Variants in IARS2 observed in about 807,000 individuals in gnomAD.
IARS2 encodes the protein isoleucyl-tRNA synthetase 2, mitochondrial.
In IARS2, 56 loss-of-function variants were observed where a neutral mutation model predicts 126.3. The observed-to-expected ratio is 0.44, with a 90% CI of 0.36 to 0.55. The LOEUF (loss-of-function observed/expected upper bound fraction) is 0.55. IARS2 is among the 20% of genes least tolerant of loss of function. The pLI, the probability that IARS2 is intolerant of heterozygous loss-of-function variation, is 0.00. For synonymous variants in IARS2, 407 were observed against 441.1 expected (o/e 0.92, Z 0.97); for missense variants, 1,127 against 1,245.9 (o/e 0.90, Z 1.44).
chr1:220,147,437 AAC>A, intron 22 of IARS2, 54 bp from the exon 23 acceptor site: 1 of 1,564,970 alleles, frequency 6.4e-7, no homozygotes, highest in Non-Finnish European at 8.8e-7. Context: ...CCAATTAAGA[AAC>A]AGTGTTACAA....
intron 17 of IARS2, among the ~76,000 whole-genome samples, chr1:220,138,626 T>C (rs1017453965): frequency 2.6e-5 from 4 of 151,934 alleles, no homozygotes; most frequent in Non-Finnish European, 5.9e-5. Flanking sequence ...TTGTATACTT[T>C]TATGTACTCA....
At chr1:220,124,622 G>A (rs974485720) in intron 12 of IARS2, among the ~76,000 whole-genome samples, 4 of 152,214 alleles carry the variant, frequency 2.6e-5, no homozygotes, top group Non-Finnish European at 5.9e-5. Context: ...TAAATACAAA[G>A]TGACAGTCAG....
Position 220,110,766 on chromosome 1 carries a change from T to A in IARS2, c.1328-20T>A. ...CAGTACTTTTTAATTATGTCTAATT[T>A]GGTGTTTTTTTTTTTAAAGTTATAA... On this transcript the variant is annotated intron_variant, in intron 10 of 22. Transcript: ENST00000366922. 1 of 1,542,856 alleles carries A rather than the reference T, an allele frequency of 6.5e-7. No homozygotes were observed. The highest frequency in any genetic ancestry group is 8.8e-7 in the Non-Finnish European group (1 of 1,132,742).
intron 9 of IARS2, 67 bp downstream of exon 9, chr1:220,106,127 A>T: frequency 1.5e-6 from 2 of 1,329,962 alleles, no homozygotes; most frequent in Non-Finnish European, 1.0e-6. Flanking sequence ...ATTCTAACCA[A>T]CATCTTCATT....
At chr1:220,095,682 A>G (rs1240226314) in intron 1 of IARS2, among the ~76,000 whole-genome samples, 1 of 152,208 alleles carries the variant, frequency 6.6e-6, no homozygotes, top group African/African-American at 2.4e-5. Context: ...TTAGACTGCC[A>G]TGCATGTTGT....
intron 15 of IARS2, among the ~76,000 whole-genome samples, chr1:220,136,495 T>C (rs1045328059): frequency 4.0e-5 from 6 of 151,888 alleles, no homozygotes; most frequent in African/African-American, 1.2e-4. Context: ...ATTCCAGCAC[T>C]TTGGGAGGCC....
Position 220,145,645 on chromosome 1 carries a change from A to G in IARS2, c.2888A>G (p.Asn963Ser), listed in dbSNP as rs749589295. The G allele has an allele frequency of 8.1e-6, 13 of 1,611,980 alleles. No individual in the cohort carries two copies. The highest frequency in any genetic ancestry group is 1.1e-5 in the Non-Finnish European group (13 of 1,178,628). The change falls in exon 22 of 23, where the codon AAC becomes AGC. Residue 963 changes from asparagine (N) to serine (S), a missense_variant. Transcript: ENST00000366922. ...GAGCTTAAAGGGAAATTCCTCATCA[A>G]CTTAGAAGGTAAGAAGGAGATGAAA... ...VIELKGKFLI[N>S]LEGGDIREES...
chr1:220,102,473 G>T, intron 5 of IARS2, 22 bp from the exon 6 acceptor site: 5 of 1,610,584 alleles, frequency 3.1e-6, no homozygotes, highest in Non-Finnish European at 3.4e-6. Flanking sequence ...AAGTATTTAT[G>T]TTTAATATTT....
chr1:220,131,203 G>C (rs932837461), intron 14 of IARS2, among the ~76,000 whole-genome samples: 2 of 152,056 alleles, frequency 1.3e-5, no homozygotes, highest in African/African-American at 4.8e-5. Context: ...TTGAGACAGA[G>C]TCTCGCTGTG....
chr1:220,138,675 G>T (rs1050142324), intron 17 of IARS2, among the ~76,000 whole-genome samples: 4 of 151,248 alleles, frequency 2.6e-5, no homozygotes, highest in African/African-American at 9.7e-5. Flanking sequence ...TTATTTCATT[G>T]TGAAGCAAGT....
intron 12 of IARS2, among the ~76,000 whole-genome samples, chr1:220,120,080 C>T (rs1657005915): frequency 1.3e-5 from 2 of 149,054 alleles, no homozygotes; most frequent in African/African-American, 2.4e-5. Context: ...CTCTCTGTCA[C>T]ACTTTTTTTT....
rs544450800 is a variant in IARS2 at position 220,103,152 on chromosome 1, T to C, written c.951-295T>C. 1.1e-3 allele frequency among the ~76,000 whole-genome samples: 172 copies of C among 152,166 alleles called. 1 individual carries two copies. The highest frequency in any genetic ancestry group is 1.9e-3 in the Non-Finnish European group (126 of 68,010). On this transcript the variant is annotated intron_variant, in intron 7 of 22. Coordinates refer to ENST00000366922, the MANE Select transcript of IARS2 (RefSeq NM_018060.4). Reference sequence around the variant, plus strand: ...ACCTCCCGGGTTCAAGCAATTTTCCTGCCTCAGCCTCCCGAGTAGCTGGGA... The same window carrying C: ...ACCTCCCGGGTTCAAGCAATTTTCCCGCCTCAGCCTCCCGAGTAGCTGGGA...
chr1:220,095,686 A>G (rs552514720), intron 1 of IARS2, among the ~76,000 whole-genome samples: 2 of 152,328 alleles, frequency 1.3e-5, no homozygotes, highest in African/African-American at 4.8e-5. Flanking sequence ...ACTGCCATGC[A>G]TGTTGTTCCC....
intron 17 of IARS2, among the ~76,000 whole-genome samples, chr1:220,138,387 C>T (rs763312275): frequency 4.6e-4 from 70 of 152,266 alleles, no homozygotes; most frequent in Non-Finnish European, 8.1e-4. Flanking sequence ...AGGAGAATCA[C>T]TTGAACGCAG....
At chr1:220,132,601 C>T (rs1002120842) in intron 14 of IARS2, among the ~76,000 whole-genome samples, 1 of 149,284 alleles carries the variant, frequency 6.7e-6, no homozygotes, top group Admixed American at 6.7e-5. Context: ...TCTCATCTCA[C>T]TGCAAACTCC....
chr1:220,131,922 C>T (rs186497664), intron 14 of IARS2, among the ~76,000 whole-genome samples: 112 of 151,904 alleles, frequency 7.4e-4, no homozygotes, highest in Admixed American at 1.2e-3. Context: ...CTCAGCCTCC[C>T]GAGTAGCTGC....
chr1:220,097,139 A>C (rs1656461748), intron 2 of IARS2, among the ~76,000 whole-genome samples: 1 of 152,194 alleles, frequency 6.6e-6, no homozygotes, highest in East Asian at 1.9e-4. Context: ...GCCAACATTA[A>C]CTGGATTAAG....
At chr1:220,140,755 C>T (rs1260574041) in intron 19 of IARS2, among the ~76,000 whole-genome samples, 5 of 151,882 alleles carry the variant, frequency 3.3e-5, no homozygotes, top group East Asian at 3.9e-4. Context: ...GAGGCCGAGG[C>T]GGGCGGATCA....
intron 16 of IARS2, among the ~76,000 whole-genome samples, chr1:220,137,286 G>C (rs1657396454): frequency 6.6e-6 from 1 of 152,182 alleles, no homozygotes; most frequent in Non-Finnish European, 1.5e-5. Context: ...AATATGTAAA[G>C]TGTGATTGTG....
Sources: allele counts gnomAD v4.1 joint callset (sites outside exome capture counted in the v4.1 genomes callset), GRCh38; gene constraint gnomAD v4.1.1; transcripts MANE v1.5; gene names NCBI Gene and HGNC (gene_info 2026-07-23, HGNC 2026-07-21).